Variants in CA8 observed in about 807,000 individuals in gnomAD.
CA8 encodes the protein carbonic anhydrase-related protein.
Under a neutral mutation model 41.4 loss-of-function variants are expected in CA8, and 22 were observed. That is an observed-to-expected ratio of 0.53 (90% confidence interval 0.38 to 0.76). CA8 has a LOEUF of 0.76. Ranked by LOEUF, CA8 falls within the 30% of genes least tolerant of loss-of-function variation. CA8 has a pLI of 0.00. For missense variants in CA8, 270 were observed against 352.8 expected (o/e 0.77, Z 1.88); for synonymous variants, 121 against 130.6 (o/e 0.93, Z 0.50).
At chr8:60,272,872 G>T (rs543912628) in intron 2 of CA8, among the ~76,000 whole-genome samples, 1 of 152,328 alleles carries the variant, frequency 6.6e-6, no homozygotes, top group South Asian at 2.1e-4. Flanking sequence ...CAATGAACAC[G>T]TATGTTTAGT....
At chr8:60,204,905 C>T (rs1227010221) in intron 8 of CA8, among the ~76,000 whole-genome samples, 1 of 152,122 alleles carries the variant, frequency 6.6e-6, no homozygotes, top group Non-Finnish European at 1.5e-5. Context: ...CACAGGCACC[C>T]CCTTCTCTAT....
chr8:60,190,549 G>C (rs1806091007), intron 8 of CA8, among the ~76,000 whole-genome samples: 1 of 145,938 alleles, frequency 6.9e-6, no homozygotes, highest in Non-Finnish European at 1.5e-5. Flanking sequence ...TAAGATTTTA[G>C]TTCAATGATA....
intron 2 of CA8, among the ~76,000 whole-genome samples, chr8:60,274,327 A>T (rs1804160842): frequency 6.6e-6 from 1 of 152,222 alleles, no homozygotes; most frequent in Admixed American, 6.5e-5. Flanking sequence ...ACAAGAGCAA[A>T]AGAGAAATGC....
chr8:60,278,036 AG>A (rs1387059162), intron 2 of CA8, among the ~76,000 whole-genome samples: 1 of 152,216 alleles, frequency 6.6e-6, no homozygotes, highest in Admixed American at 6.5e-5. Context: ...ACAAAATGCT[AG>A]GTGAGGAAGA....
chr8:60,221,935 A>C (rs1450681988), intron 7 of CA8, among the ~76,000 whole-genome samples: 20 of 152,204 alleles, frequency 1.3e-4, no homozygotes, highest in Admixed American at 1.3e-3. Context: ...AGGCCTTTTG[A>C]GGTTGATCAT....
In CA8 at chr8:60,188,644, C is replaced by T. The variant is rs990439809; in HGVS notation, c.*1377G>A. On this transcript the variant is annotated 3_prime_UTR_variant, in exon 9 of 9. Coordinates refer to ENST00000317995, the MANE Select transcript of CA8 (RefSeq NM_004056.6). The stretch of plus-strand genomic sequence containing the variant: ...CCTCTCTCCGCTTTCAGAGGCACTG[C>T]CTGGTGCTGACCCCATGTGATCCAG... 2 of 152,252 alleles carry T rather than the reference C, an allele frequency of 1.3e-5. No individual in the cohort carries two copies. Among genetic ancestry groups the T allele is most frequent in the African/African-American group, 4.8e-5 (2 of 41,458 alleles). The allele number at this position is 152,252 out of a possible 1,614,324, so 9.4% of individuals were successfully genotyped here.
At chr8:60,205,816 G>A (rs1024586604) in intron 8 of CA8, among the ~76,000 whole-genome samples, 2 of 152,060 alleles carry the variant, frequency 1.3e-5, no homozygotes, top group Non-Finnish European at 2.9e-5. Context: ...GTAAAACATA[G>A]CTAAAATATA....
At chr8:60,274,961 C>T (rs1804184625) in intron 2 of CA8, among the ~76,000 whole-genome samples, 1 of 152,112 alleles carries the variant, frequency 6.6e-6, no homozygotes, top group Non-Finnish European at 1.5e-5. Context: ...AGCAGTTAAA[C>T]CTCATCATGC....
intron 2 of CA8, among the ~76,000 whole-genome samples, chr8:60,267,079 C>T (rs1022204189): frequency 3.9e-5 from 6 of 152,198 alleles, no homozygotes; most frequent in Non-Finnish European, 7.3e-5. Flanking sequence ...TTCTTTCATC[C>T]TTACCCAAAA....
rs767422987 is a variant in CA8 at position 60,224,602 on chromosome 8, T to A, written c.577-17A>T. ...GGACTTCCCCTGAAAAAGAAAAAAATATTTACCCAATGTTAATGTAATATT... is the reference window on the plus strand; with the variant it reads ...GGACTTCCCCTGAAAAAGAAAAAAAAATTTACCCAATGTTAATGTAATATT... On this transcript the variant is annotated splice_polypyrimidine_tract_variant and intron_variant, in intron 5 of 8. Coordinates refer to ENST00000317995, the MANE Select transcript of CA8 (RefSeq NM_004056.6). 1.4e-6 allele frequency: 2 copies of A among 1,427,282 alleles called. No homozygotes were observed. Among genetic ancestry groups the A allele is most frequent in the Non-Finnish European group, 2.0e-6 (2 of 1,012,470 alleles). 88.4% of individuals were successfully genotyped at this position (1,427,282 alleles called of 1,614,324 possible).
chr8:60,200,993 C>T (rs1422126147), intron 8 of CA8, among the ~76,000 whole-genome samples: 3 of 152,036 alleles, frequency 2.0e-5, no homozygotes, highest in South Asian at 2.1e-4. Context: ...GAGGAGATGA[C>T]GCTAACTTTA....
intron 2 of CA8, among the ~76,000 whole-genome samples, chr8:60,270,922 T>C (rs1362790558): frequency 6.6e-6 from 1 of 152,194 alleles, no homozygotes; most frequent in Non-Finnish European, 1.5e-5. Context: ...CTTCAGCTCT[T>C]AAGGGTAGAG....
chr8:60,238,059 G>C (rs555968876), intron 3 of CA8, among the ~76,000 whole-genome samples: 1 of 152,146 alleles, frequency 6.6e-6, no homozygotes, highest in African/African-American at 2.4e-5. Context: ...TCATATTCCC[G>C]CAACTGATTA....
intron 8 of CA8, among the ~76,000 whole-genome samples, chr8:60,197,085 C>A (rs981049903): frequency 6.6e-6 from 1 of 152,086 alleles, no homozygotes; most frequent in Admixed American, 6.6e-5. Context: ...ACATAGAACT[C>A]TTGGGAAAAG....
intron 3 of CA8, among the ~76,000 whole-genome samples, chr8:60,257,110 T>C (rs984844947): frequency 2.6e-5 from 4 of 152,172 alleles, no homozygotes; most frequent in African/African-American, 9.7e-5. Context: ...CTCCGGTAGC[T>C]GGGACTACAG....
chr8:60,277,784 C>T (rs1432219922), intron 2 of CA8, among the ~76,000 whole-genome samples: 4 of 152,158 alleles, frequency 2.6e-5, no homozygotes, highest in African/African-American at 9.7e-5. Context: ...GAAAAAACAA[C>T]TACTCAAGAC....
At position 60,224,411 on chromosome 8, in the gene CA8, T is replaced by C. The variant is rs949402742; in HGVS notation, c.625+126A>G. On this transcript the variant is annotated intron_variant, in intron 6 of 8. Transcript: ENST00000317995. Reference sequence around the variant, plus strand: ...AGAGTAATCTGGAAATGGTATCTGCTAAACAGAATACAAATTGCAAATAAG... The same window carrying C: ...AGAGTAATCTGGAAATGGTATCTGCCAAACAGAATACAAATTGCAAATAAG... 5.9e-6 allele frequency: 4 copies of C among 681,742 alleles called. No individual in the cohort carries two copies. The African/African-American group carries it at 7.3e-5, about 12-fold the overall frequency. The allele number at this position is 681,742 out of a possible 1,614,324, so 42.2% of individuals were successfully genotyped here.
At chr8:60,219,181 C>G (rs1443015758) in intron 7 of CA8, among the ~76,000 whole-genome samples, 1 of 144,484 alleles carries the variant, frequency 6.9e-6, no homozygotes, top group Admixed American at 7.0e-5. Flanking sequence ...TTTTTTTAGA[C>G]GGAGTCTCGC....
intron 4 of CA8, among the ~76,000 whole-genome samples, chr8:60,230,038 C>T (rs139380589): frequency 5.9e-5 from 9 of 152,200 alleles, no homozygotes; most frequent in African/African-American, 1.9e-4. Flanking sequence ...TTATCATCCC[C>T]TTCTGGTCTA....
Sources: gnomAD v4.1 joint callset for allele counts (sites outside exome capture counted in the v4.1 genomes callset) on GRCh38, gnomAD v4.1.1 for gene constraint, MANE v1.5 for transcripts, NCBI Gene and HGNC (gene_info 2026-07-23, HGNC 2026-07-21) for gene names.